REXO5: variants seen among roughly 807,000 people sequenced by gnomAD.
REXO5 encodes the protein RNA exonuclease 5, also known as exonuclease NEF-sp.
Under a neutral mutation model 88.5 loss-of-function variants are expected in REXO5, and 48 were observed. That is an observed-to-expected ratio of 0.54 (90% CI 0.43 to 0.69). REXO5 has a LOEUF of 0.69. Among genes scored for constraint, REXO5 ranks in the 30% least tolerant of loss-of-function variants. The pLI, the probability that REXO5 is intolerant of heterozygous loss-of-function variation, is 0.00. For synonymous variants in REXO5, 311 were observed against 336.5 expected (o/e 0.92, Z 0.83); for missense variants, 749 against 912.2 (o/e 0.82, Z 2.30).
At chr16:20,812,429 G>A (rs922331883) in intron 2 of REXO5, among the ~76,000 whole-genome samples, 4 of 152,222 alleles carry the variant, frequency 2.6e-5, no homozygotes, top group Admixed American at 2.0e-4. Context: ...GGACACTGAG[G>A]CAGGAGGATC....
Position 20,828,455 on chromosome 16 carries a change from A to G in REXO5, c.1076A>G (p.Asp359Gly). The change falls in exon 11 of 20, where the codon GAC (aspartate) becomes GGC (glycine). Residue 359 changes from aspartate (D) to glycine (G), a missense_variant. Physicochemically the swap from Asp to Gly is moderately conservative, Grantham distance 94. Transcript: ENST00000261377. Reference sequence around the variant, plus strand: ...TCCAGGAAGGATATACAGTGTCCAGACAGACTTGGTCATGATGCCACAGAA... The same window carrying G: ...TCCAGGAAGGATATACAGTGTCCAGGCAGACTTGGTCATGATGCCACAGAA... ...VILGKDIQCP[D>G]RLGHDATEDA... 3 of 1,613,500 alleles carry G rather than the reference A, an allele frequency of 1.9e-6. No individual in the cohort carries two copies. Among genetic ancestry groups the G allele is most frequent in the Non-Finnish European group, 2.5e-6 (3 of 1,179,460 alleles).
At chr16:20,841,134 T>G (rs1390925101) in intron 15 of REXO5, among the ~76,000 whole-genome samples, 3 of 152,180 alleles carry the variant, frequency 2.0e-5, no homozygotes, top group African/African-American at 4.8e-5. Context: ...TAGGTTTGTA[T>G]TTACATAAAA....
At chr16:20,821,447 C>T (rs1025017787) in intron 5 of REXO5, among the ~76,000 whole-genome samples, 10 of 152,090 alleles carry the variant, frequency 6.6e-5, no homozygotes, top group African/African-American at 1.4e-4. Flanking sequence ...CCACCACACC[C>T]GGCTAATTTT....
intron 5 of REXO5, among the ~76,000 whole-genome samples, chr16:20,820,424 C>T (rs1015812504): frequency 1.3e-5 from 2 of 148,732 alleles, no homozygotes; most frequent in Non-Finnish European, 3.0e-5. Context: ...CCTAAGTGCC[C>T]CTAGTAAAAA....
intron 19 of REXO5, among the ~76,000 whole-genome samples, chr16:20,847,906 T>A (rs976673841): frequency 5.3e-5 from 8 of 152,200 alleles, no homozygotes; most frequent in Non-Finnish European, 1.2e-4. Flanking sequence ...CCCAAATCAT[T>A]GTTCTTCCTG....
chr16:20,842,911 A>G (rs1191350163), intron 15 of REXO5, among the ~76,000 whole-genome samples: 1 of 152,196 alleles, frequency 6.6e-6, no homozygotes, highest in Admixed American at 6.5e-5. Flanking sequence ...TTTTTGAGGA[A>G]CCATTATACT....
At chr16:20,828,341 T>C (rs746011986) in intron 10 of REXO5, 94 bp from the exon 11 acceptor site, 96 of 764,774 alleles carry the variant, frequency 1.3e-4, no homozygotes, top group Non-Finnish European at 2.1e-4. Flanking sequence ...ATCAGAATTC[T>C]AACATTTTAT....
intron 13 of REXO5, among the ~76,000 whole-genome samples, chr16:20,837,885 CCA>C (rs1357105313): frequency 6.6e-6 from 1 of 152,126 alleles, no homozygotes; most frequent in East Asian, 1.9e-4. Context: ...CCTGCCTCAG[CCA>C]CCCAAGTAGC....
intron 12 of REXO5, among the ~76,000 whole-genome samples, chr16:20,832,493 CAAA>C (rs199601332): frequency 4.2e-5 from 5 of 120,450 alleles, no homozygotes; most frequent in Admixed American, 1.8e-4. Flanking sequence ...TATCCTTGAT[CAAA>C]AAAAAAAAAA....
intron 13 of REXO5, among the ~76,000 whole-genome samples, chr16:20,837,297 G>A (rs908551398): frequency 6.6e-6 from 1 of 152,142 alleles, no homozygotes; most frequent in African/African-American, 2.4e-5. Flanking sequence ...ACTAAGCTAT[G>A]TCTCAGAGTT....
rs770655872 is a variant in REXO5, at chr16:20,832,955, G to A, written c.1263-48G>A. On this transcript the variant is annotated intron_variant, in intron 12 of 19. Transcript: ENST00000261377. ...GCAAGTATAGAGAAATAACTGTCAG[G>A]TTCTGGAAAACTGTTGTTCTTACCT... 5.1e-6 allele frequency: 8 copies of A among 1,565,466 alleles called. No individual in the cohort carries two copies. The East Asian group carries it at 1.8e-4, about 35-fold the overall frequency.
At chr16:20,821,356 G>A (rs770706276) in intron 5 of REXO5, among the ~76,000 whole-genome samples, 12 of 151,974 alleles carry the variant, frequency 7.9e-5, no homozygotes, top group Admixed American at 3.3e-4. Flanking sequence ...GCGCGATCTC[G>A]GCTCACTGCA....
At chr16:20,820,752 T>TG (rs763257295) in intron 5 of REXO5, among the ~76,000 whole-genome samples, 6 of 150,666 alleles carry the variant, frequency 4.0e-5, no homozygotes, top group Admixed American at 6.6e-5. Context: ...TTAGTAGAGA[T>TG]GGGGTTTCAC....
At chr16:20,814,059 AGCCATCAGTCTGT>A (rs1480576631) in intron 3 of REXO5, among the ~76,000 whole-genome samples, 2 of 151,284 alleles carry the variant, frequency 1.3e-5, no homozygotes, top group African/African-American at 4.9e-5. Flanking sequence ...CAACAATTAC[AGCCATCAGTCTGT>A]CAGTTTATCT....
chr16:20,807,780 G>C (rs989517211), intron 2 of REXO5, among the ~76,000 whole-genome samples: 1 of 151,198 alleles, frequency 6.6e-6, no homozygotes, highest in Non-Finnish European at 1.5e-5. Flanking sequence ...AAAACTGCCT[G>C]TACATAATAG....
intron 13 of REXO5, among the ~76,000 whole-genome samples, chr16:20,836,709 C>A (rs2081436411): frequency 6.6e-6 from 1 of 152,200 alleles, no homozygotes; most frequent in African/African-American, 2.4e-5. Flanking sequence ...TGCTGAACTT[C>A]TGAAGTGTCT....
At chr16:20,843,197 G>A (rs1044934492) in intron 15 of REXO5, among the ~76,000 whole-genome samples, 2 of 152,104 alleles carry the variant, frequency 1.3e-5, no homozygotes, top group African/African-American at 2.4e-5. Flanking sequence ...CTACTCTGCA[G>A]TGTTTGCCCA....
intron 13 of REXO5, 104 bp downstream of exon 13, chr16:20,833,227 C>T: frequency 3.3e-6 from 4 of 1,219,128 alleles, no homozygotes; most frequent in Non-Finnish European, 4.5e-6. Flanking sequence ...GCAACCCTGG[C>T]TACAGTTAGC....
intron 13 of REXO5, among the ~76,000 whole-genome samples, chr16:20,833,701 ACT>A (rs984329892): frequency 6.3e-4 from 95 of 151,450 alleles, no homozygotes; most frequent in African/African-American, 2.2e-3. Context: ...TCATGTACAC[ACT>A]CTCTCTTTCT....
Sources: gnomAD v4.1 joint callset for allele counts (sites outside exome capture counted in the v4.1 genomes callset) on GRCh38, gnomAD v4.1.1 for gene constraint, MANE v1.5 for transcripts, NCBI Gene and HGNC (gene_info 2026-07-23, HGNC 2026-07-21) for gene names.